The following HDAC10 variants were observed in gnomAD, a reference collection of about 807,000 sequenced individuals.
HDAC10 encodes polyamine deacetylase HDAC10.
HDAC10 carries 90 observed loss-of-function variants against 82.3 expected under a neutral mutation model. The observed-to-expected ratio is 1.09, with a 90% CI of 0.92 to 1.30. The LOEUF (loss-of-function observed/expected upper bound fraction) is 1.30. HDAC10 is among the 50% of genes most tolerant of loss of function. The pLI is 0.00. For synonymous variants in HDAC10, 456 were observed against 391.7 expected (o/e 1.16, Z -1.94); for missense variants, 934 against 876.3 (o/e 1.07, Z -0.83).
intron 15 of HDAC10, 62 bp from the exon 16 acceptor site, chr22:50,246,797 C>T (rs2064961533): frequency 6.2e-7 from 1 of 1,603,274 alleles, no homozygotes; most frequent in Non-Finnish European, 8.5e-7. Context: ...TCCCAGAACT[C>T]TCTGTGCTTG....
At position 50,249,069 on chromosome 22, in the gene HDAC10, C is replaced by T. The variant is rs1262521185; in HGVS notation, c.756+34G>A. ...TCCAGGCACAAGGTCCCCCTCCCAC[C>T]CGGCTGCCCTGGGGGAGCCCTCCGT... On this transcript the variant is annotated intron_variant, in intron 8 of 19. Coordinates refer to ENST00000216271, the MANE Select transcript of HDAC10 (RefSeq NM_032019.6). The surrounding 1 kb of genome is among the most constrained non-coding windows in gnomAD (Gnocchi z 4.4). The T allele has an allele frequency of 3.9e-6, 6 of 1,555,282 alleles. No individual in the cohort carries two copies. The African/African-American group carries it at 5.4e-5, about 14-fold the overall frequency.
chr22:50,251,087 A>G lies in HDAC10; in HGVS notation c.-55T>C. ...AACGCCCTCGCTAGTGGTGCCTGCC[A>G]CTGCCTGTCCCCACCTTCGGCCGGG... is the stretch of plus-strand genomic sequence containing the variant. On this transcript the variant is annotated 5_prime_UTR_variant, in exon 1 of 20. Transcript: ENST00000216271. The G allele has an allele frequency of 1.3e-6, 2 of 1,548,558 alleles. No homozygotes were observed. The highest frequency in any genetic ancestry group is 1.2e-5 in the South Asian group (1 of 86,460).
Position 50,246,025 on chromosome 22 carries a change from T to G in HDAC10, c.1718A>C (p.Asp573Ala). The G allele has an allele frequency of 6.2e-7, 1 of 1,612,730 alleles. No individual in the cohort carries two copies. Among genetic ancestry groups the G allele is most frequent in the Non-Finnish European group, 8.5e-7 (1 of 1,179,832 alleles). Residue 573 changes from aspartate (D) to alanine (A), a missense_variant, in exon 18 of 20, where the codon GAC (aspartate) becomes GCC (alanine). Transcript: ENST00000216271. ...VLPLAYGFQP[D>A]LVLVALGPGH... is the part of the protein sequence containing the mutation. ...AGGCCCCAGCGCCACCAGCACCAGG[T>G]CAGGCTGGAAGCCATAGGCCAGGGG...
chr22:50,246,104 G>A lies in HDAC10; in HGVS notation c.1651-12C>T. 1.3e-6 allele frequency: 2 copies of A among 1,592,436 alleles called. No individual in the cohort carries two copies. The highest frequency in any genetic ancestry group is 8.6e-7 in the Non-Finnish European group (1 of 1,166,962). On this transcript the variant is annotated splice_polypyrimidine_tract_variant and intron_variant, in intron 17 of 19. Coordinates refer to ENST00000216271, the MANE Select transcript of HDAC10 (RefSeq NM_032019.6). ...AAACCACCGGTCATCTGTGGGGACA[G>A]CAGAGCCCAGCTCCTCATCTACGGA...
Position 50,249,318 on chromosome 22 carries a change from G to A in HDAC10, c.690+10C>T. 6.3e-7 allele frequency: 1 copy of A among 1,595,754 alleles called. No homozygotes were observed. The highest frequency in any genetic ancestry group is 8.5e-7 in the Non-Finnish European group (1 of 1,171,492). ...GGCTGGGTGGGGACCTGGGGCTTGAGGGTGGGCACCTGGTTCCAGGGCAGG... is the reference window on the plus strand; with the variant it reads ...GGCTGGGTGGGGACCTGGGGCTTGAAGGTGGGCACCTGGTTCCAGGGCAGG... On this transcript the variant is annotated intron_variant, in intron 7 of 19. Transcript: ENST00000216271. This position sits in a 1 kb window ranked among gnomAD's most constrained non-coding sequence, Gnocchi z 4.4.
Position 50,248,680 on chromosome 22 carries a change from C to A in HDAC10, c.888G>T (p.Arg296=). 3.9e-6 allele frequency: 6 copies of A among 1,523,430 alleles called. No homozygotes were observed. Among genetic ancestry groups the A allele is most frequent in the Non-Finnish European group, 5.3e-6 (6 of 1,133,066 alleles). The allele number at this position is 1,523,430 out of a possible 1,614,324, so 94.4% of individuals were successfully genotyped here. ...CAGTCACCTCCAGCACGGCACAGAC[C>A]CGGCCGCCGGCCAGCACCTGCAGCA... ...TQLLQVLAGG[R]VCAVLEGGYH... is the part of the protein sequence containing the mutation. The change falls in exon 10 of 20, where the codon CGG becomes CGT. Residue 296 remains arginine (R), a synonymous_variant. Transcript: ENST00000216271. This position sits in a 1 kb window ranked among gnomAD's most constrained non-coding sequence, Gnocchi z 5.4.
At chr22:50,250,932 G>A in intron 1 of HDAC10, 27 bp from the exon 2 acceptor site, 1 of 1,609,042 alleles carries the variant, frequency 6.2e-7, no homozygotes, top group Non-Finnish European at 8.5e-7. Context: ...GCTCAGTTCA[G>A]AGGTCCCTCC....
In HDAC10 at chr22:50,248,132, C is replaced by G; in HGVS notation, c.1095G>C (p.Val365=). 1 of 1,583,982 alleles carries G rather than the reference C, an allele frequency of 6.3e-7. No individual in the cohort carries two copies. Among genetic ancestry groups the G allele is most frequent in the Non-Finnish European group, 8.6e-7 (1 of 1,163,728 alleles). ...KSLQQQDVTA[V]PMSPSSHSPE... The stretch of plus-strand genomic sequence containing the variant: ...GGGAGTGGCTGCTGGGGCTCATCGG[C>G]ACAGCGGTCACATCTAGGGACAGTT... The change falls in exon 13 of 20, where the codon GTG becomes GTC. Residue 365 remains valine, a synonymous_variant. Coordinates refer to ENST00000216271, the MANE Select transcript of HDAC10 (RefSeq NM_032019.6). This position sits in a 1 kb window ranked among gnomAD's most constrained non-coding sequence, Gnocchi z 5.4.
In HDAC10 at chr22:50,245,729, G is replaced by C; in HGVS notation, c.1932C>G (p.Val644=). Residue 644 remains valine, a synonymous_variant, in exon 19 of 20, where the codon GTC becomes GTG. Coordinates refer to ENST00000216271, the MANE Select transcript of HDAC10 (RefSeq NM_032019.6). Reference sequence around the variant, plus strand: ...GCCCTCTCAGGTACATCAGGGCCTGGACGTCCTCTGGGGAGGCCACAGAGG... The same window carrying C: ...GCCCTCTCAGGTACATCAGGGCCTGCACGTCCTCTGGGGAGGCCACAGAGG... ...GPSSVASPED[V]QALMYLRGQL... 1 of 1,613,078 alleles carries C rather than the reference G, an allele frequency of 6.2e-7. No homozygotes were observed. Among genetic ancestry groups the C allele is most frequent in the Non-Finnish European group, 8.5e-7 (1 of 1,179,852 alleles).
At chr22:50,250,946 C>T (rs2065076176) in intron 1 of HDAC10, 28 bp downstream of exon 1, 1 of 1,610,656 alleles carries the variant, frequency 6.2e-7, no homozygotes, top group Admixed American at 1.7e-5. Flanking sequence ...TCCCTCCCCG[C>T]ACCCCACCTC....
intron 2 of HDAC10, 85 bp from the exon 3 acceptor site, chr22:50,250,608 G>C (rs1197296011): frequency 3.8e-6 from 5 of 1,330,272 alleles, no homozygotes; most frequent in Non-Finnish European, 5.3e-6. Context: ...TTCATGGTGG[G>C]AGTGGCCACC....
At position 50,250,714 on chromosome 22, in the gene HDAC10, G is replaced by A. The variant is rs951069100; in HGVS notation, c.194+57C>T. 26 of 1,492,046 alleles carry A rather than the reference G, an allele frequency of 1.7e-5. No individual in the cohort carries two copies. The Admixed American group carries it at 2.4e-4, about 14-fold the overall frequency. The allele number at this position is 1,492,046 out of a possible 1,614,324, so 92.4% of individuals were successfully genotyped here. A position where few individuals can be genotyped will look rare whatever the true frequency, so the allele number is the denominator to read the frequency against. ...GCTCGGGGTAGGCCCAGGTTCTTAG[G>A]TTTCTAGCTGGGCTGCCCGCCCCGC... is the stretch of plus-strand genomic sequence containing the variant. On this transcript the variant is annotated intron_variant, in intron 2 of 19. Transcript: ENST00000216271.
rs79802996 is a variant in HDAC10 at position 50,250,693 on chromosome 22, G to C, written c.194+78C>G. Reference sequence around the variant, plus strand: ...CTCTGTATTCGAGGCTGGCAGGCTCGGGGTAGGCCCAGGTTCTTAGGTTTC... The same window carrying C: ...CTCTGTATTCGAGGCTGGCAGGCTCCGGGTAGGCCCAGGTTCTTAGGTTTC... On this transcript the variant is annotated intron_variant, in intron 2 of 19. Coordinates refer to ENST00000216271, the MANE Select transcript of HDAC10 (RefSeq NM_032019.6). 1.3e-5 allele frequency: 18 copies of C among 1,436,230 alleles called. No individual in the cohort carries two copies. In the East Asian group the frequency reaches 3.5e-4, roughly 28 times the overall value. The allele number at this position is 1,436,230 out of a possible 1,614,324, so 89.0% of individuals were successfully genotyped here.
chr22:50,250,550 G>A lies in HDAC10; in HGVS notation c.195-27C>T, dbSNP rs754399781. ...TGCATGCAGATGGGCAGGCAGGAGA[G>A]GCAGGGTCACCAGCAGGAGCAGGGG... On this transcript the variant is annotated intron_variant, in intron 2 of 19. Transcript: ENST00000216271. The A allele has an allele frequency of 8.8e-6, 14 of 1,582,052 alleles. No individual in the cohort carries two copies. In the South Asian group the frequency reaches 1.5e-4, roughly 17 times the overall value.
chr22:50,250,361 G>A (rs2065057599), intron 3 of HDAC10, 66 bp downstream of exon 3: 1 of 1,486,436 alleles, frequency 6.7e-7, no homozygotes, highest in South Asian at 1.1e-5. Context: ...TGGCGGCCGT[G>A]GCTGTGAACG....
In HDAC10 at chr22:50,251,214, C is replaced by T. The variant is rs2065083851; in HGVS notation, c.-182G>A. ...TAGGCAGGCTCCGGGATCCCAGGCG[C>T]GCAGAAGGCACGGAGCGAGGCTGCA... On this transcript the variant is annotated 5_prime_UTR_variant, in exon 1 of 20. Coordinates refer to ENST00000216271, the MANE Select transcript of HDAC10 (RefSeq NM_032019.6). 2 of 593,980 alleles carry T rather than the reference C, an allele frequency of 3.4e-6. No homozygotes were observed. The highest frequency in any genetic ancestry group is 2.9e-6 in the Non-Finnish European group (1 of 344,782). 36.8% of individuals were successfully genotyped at this position (593,980 alleles called of 1,614,324 possible). A position where few individuals can be genotyped will look rare whatever the true frequency, so the allele number is the denominator to read the frequency against.
Position 50,248,449 on chromosome 22 carries a change from C to G in HDAC10, c.930G>C (p.Leu310=). Residue 310 remains leucine, a synonymous_variant, in exon 11 of 20, where the codon CTG becomes CTC. Transcript: ENST00000216271. The surrounding 1 kb of genome is among the most constrained non-coding windows in gnomAD (Gnocchi z 5.4). ...VLEGGYHLES[L]AESVCMTVQT... is the part of the protein sequence containing the mutation. ...GTACTGTCATGCACACTGACTCCGCCAGTGACTCCAGGTGGTAGCCGCCCT... is the reference window on the plus strand; with the variant it reads ...GTACTGTCATGCACACTGACTCCGCGAGTGACTCCAGGTGGTAGCCGCCCT... The G allele has an allele frequency of 6.2e-7, 1 of 1,607,874 alleles. No individual in the cohort carries two copies. Among genetic ancestry groups the G allele is most frequent in the South Asian group, 1.1e-5 (1 of 91,048 alleles).
Position 50,248,675 on chromosome 22 carries a change from C to T in HDAC10, c.893G>A (p.Cys298Tyr), listed in dbSNP as rs2065013863. Residue 298 changes from cysteine to tyrosine, a missense_variant, in exon 10 of 20, where the codon TGT becomes TAT. Physicochemically the swap from Cys to Tyr is radical, Grantham distance 194 (BLOSUM62 -2). Transcript: ENST00000216271. The surrounding 1 kb of genome is among the most constrained non-coding windows in gnomAD (Gnocchi z 5.4). ...LLQVLAGGRV[C>Y]AVLEGGYHLE... is the part of the protein sequence containing the mutation. ...CTCCCCAGTCACCTCCAGCACGGCA[C>T]AGACCCGGCCGCCGGCCAGCACCTG... The T allele has an allele frequency of 1.3e-6, 2 of 1,519,730 alleles. No homozygotes were observed. Among genetic ancestry groups the T allele is most frequent in the Non-Finnish European group, 8.8e-7 (1 of 1,131,508 alleles). The allele number at this position is 1,519,730 out of a possible 1,614,324, so 94.1% of individuals were successfully genotyped here.
chr22:50,245,982 G>C lies in HDAC10; in HGVS notation c.1761C>G (p.Gly587=), dbSNP rs543147576. The stretch of plus-strand genomic sequence containing the variant: ...TTGCAGCCAGGAGTGCAGCGTGGGG[G>C]CCCTGCAGGCCATGGCCAGGCCCCA... ...VALGPGHGLQ[G]PHAALLAAML... Residue 587 remains glycine, a synonymous_variant, in exon 18 of 20, where the codon GGC becomes GGG. Transcript: ENST00000216271. The C allele has an allele frequency of 6.8e-5, 109 of 1,609,936 alleles. No individual in the cohort carries two copies. In the Admixed American group the frequency reaches 8.7e-4, roughly 13 times the overall value.
Sources: allele counts gnomAD v4.1 joint callset, GRCh38; gene constraint gnomAD v4.1.1; non-coding constraint Gnocchi (gnomAD v3.1); transcripts MANE v1.5; gene names NCBI Gene and HGNC (gene_info 2026-07-23, HGNC 2026-07-21).